SLC15A5: variants seen among roughly 807,000 people sequenced by gnomAD.
SLC15A5 encodes solute carrier family 15 member 5.
In SLC15A5, 58 loss-of-function variants were observed where a neutral mutation model predicts 56.1. The observed-to-expected ratio is 1.03, with a 90% confidence interval of 0.84 to 1.29. SLC15A5 has a LOEUF of 1.29. Ranked by LOEUF, SLC15A5 falls within the 50% of genes most tolerant of loss-of-function variation. The probability of loss-of-function intolerance (pLI) is 0.00; values close to 1 mark genes in which losing one functional copy is unlikely to be tolerated. For missense variants in SLC15A5, 681 were observed against 672.1 expected, an observed-to-expected ratio of 1.01 and a Z score of -0.15; for synonymous variants, 264 against 250.5, an observed-to-expected ratio of 1.05 and a Z score of -0.51.
At chr12:16,276,650 C>T (rs1462448842) in intron 1 of SLC15A5, among the ~76,000 whole-genome samples, 1 of 151,996 alleles carries the variant, frequency 6.6e-6, no homozygotes, top group Admixed American at 6.6e-5. Context: ...TTGAACTTTT[C>T]AGTTTAAAAT....
rs1285517611 is a variant in SLC15A5 at position 16,243,604 on chromosome 12, T to A, written c.975+976A>T. ...GTAAAAATCTTCTTAGCTTACAGGA[T>A]GTACAAAAATAGTGGACTGGATTTG... On this transcript the variant is annotated intron_variant, in intron 4 of 8. Coordinates refer to ENST00000344941, the MANE Select transcript of SLC15A5 (RefSeq NM_001170798.1). The surrounding 1 kb of genome is among the most constrained non-coding windows in gnomAD (Gnocchi z 4.4). Among the ~76,000 whole-genome samples the A allele has an allele frequency of 6.6e-6, 1 of 152,170 alleles. No individual in the cohort carries two copies. The highest frequency in any genetic ancestry group is 2.4e-5 in the African/African-American group (1 of 41,434).
chr12:16,223,263 G>A (rs1864206071), intron 6 of SLC15A5, among the ~76,000 whole-genome samples: 1 of 152,144 alleles, frequency 6.6e-6, no homozygotes, highest in South Asian at 2.1e-4. Context: ...TAAAATCCAT[G>A]TGCCAGTTGA....
chr12:16,211,206 G>A (rs1178257402), intron 7 of SLC15A5, among the ~76,000 whole-genome samples: 1 of 152,238 alleles, frequency 6.6e-6, no homozygotes, highest in Admixed American at 6.5e-5. Context: ...ATGAGCCCAT[G>A]AAATGCAGTT....
At chr12:16,219,263 C>T (rs1433543296) in intron 6 of SLC15A5, among the ~76,000 whole-genome samples, 2 of 152,096 alleles carry the variant, frequency 1.3e-5, no homozygotes, top group African/African-American at 2.4e-5. Flanking sequence ...ATTGGTGGCA[C>T]GGTAGCACAG....
At chr12:16,263,302 T>G (rs571558738) in intron 2 of SLC15A5, among the ~76,000 whole-genome samples, 1 of 152,300 alleles carries the variant, frequency 6.6e-6, no homozygotes, top group African/African-American at 2.4e-5. Flanking sequence ...TGGCACCATT[T>G]TGCCCCTGCC....
chr12:16,240,178 ATAACT>A (rs1366981756), intron 4 of SLC15A5, among the ~76,000 whole-genome samples: 3 of 152,250 alleles, frequency 2.0e-5, no homozygotes, highest in African/African-American at 7.2e-5. Flanking sequence ...AAAAAGCCAA[ATAACT>A]TAAATTCTGT....
At chr12:16,245,426 A>G (rs753185324) in intron 3 of SLC15A5, among the ~76,000 whole-genome samples, 2 of 152,338 alleles carry the variant, frequency 1.3e-5, no homozygotes, top group Middle Eastern at 6.8e-3. Context: ...CTAGGTTTAC[A>G]TGGCTGTTGC....
At chr12:16,253,855 T>A (rs1864543065) in intron 3 of SLC15A5, among the ~76,000 whole-genome samples, 1 of 152,106 alleles carries the variant, frequency 6.6e-6, no homozygotes, top group Admixed American at 6.5e-5. Flanking sequence ...GTGCAGCCAT[T>A]GTGGAAAGCA....
chr12:16,232,049 A>G (rs567745195), intron 5 of SLC15A5, among the ~76,000 whole-genome samples: 3 of 152,244 alleles, frequency 2.0e-5, no homozygotes, highest in Non-Finnish European at 2.9e-5. Flanking sequence ...TTATTTTACA[A>G]TCTATAAGAA....
chr12:16,205,423 C>T (rs895602871), intron 7 of SLC15A5, among the ~76,000 whole-genome samples: 5 of 150,682 alleles, frequency 3.3e-5, no homozygotes, highest in Admixed American at 2.7e-4. Context: ...TAGTCTAAGG[C>T]GGGAATAAGT....
At chr12:16,239,988 A>G in intron 4 of SLC15A5, 121 bp from the exon 5 acceptor site, 1 of 866,964 alleles carries the variant, frequency 1.2e-6, no homozygotes, top group Non-Finnish European at 1.7e-6. Context: ...GATGTTGCCT[A>G]GTTTTTCAAG....
intron 7 of SLC15A5, among the ~76,000 whole-genome samples, chr12:16,213,879 T>A (rs1864106343): frequency 6.6e-6 from 1 of 152,202 alleles, no homozygotes; most frequent in African/African-American, 2.4e-5. Flanking sequence ...CTTTTGTTTC[T>A]CTACCTTTGT....
intron 3 of SLC15A5, among the ~76,000 whole-genome samples, chr12:16,256,560 A>T (rs1227147832): frequency 3.3e-5 from 5 of 152,200 alleles, no homozygotes; most frequent in Non-Finnish European, 5.9e-5. Flanking sequence ...ATTTCTTTTT[A>T]AAAAATAATA....
rs1024806305 is a variant in SLC15A5 at position 16,264,416 on chromosome 12, A to G, written c.585-6546T>C. Among the ~76,000 whole-genome samples, 202 of 152,312 alleles carry G rather than the reference A, an allele frequency of 1.3e-3. 3 individuals carry two copies. The highest frequency in any genetic ancestry group is 4.5e-3 in the African/African-American group (185 of 41,570). On this transcript the variant is annotated intron_variant, in intron 2 of 8. Coordinates refer to ENST00000344941, the MANE Select transcript of SLC15A5 (RefSeq NM_001170798.1). ...CTAGGAAGTAACTAAATTGTTTTCA[A>G]TTTTACAGGCTCATAGATGGAAGGG...
At chr12:16,236,272 A>G (rs1864351252) in intron 5 of SLC15A5, among the ~76,000 whole-genome samples, 1 of 152,230 alleles carries the variant, frequency 6.6e-6, no homozygotes, top group African/African-American at 2.4e-5. Context: ...CCCAATTATG[A>G]TAGAAGATAA....
rs1864436842 is a variant in SLC15A5, at chr12:16,243,901, T to C, written c.975+679A>G. Among the ~76,000 whole-genome samples, 1 of 152,244 alleles carries C rather than the reference T, an allele frequency of 6.6e-6. No homozygotes were observed. The highest frequency in any genetic ancestry group is 2.4e-5 in the African/African-American group (1 of 41,464). On this transcript the variant is annotated intron_variant, in intron 4 of 8. Transcript: ENST00000344941. The surrounding 1 kb of genome is among the most constrained non-coding windows in gnomAD (Gnocchi z 4.4). ...ATTCATGAGTCTTCTAAATTCCAAG[T>C]TGGGAGTTAGCAATGAACAAAGTCC...
intron 2 of SLC15A5, among the ~76,000 whole-genome samples, chr12:16,261,542 A>G (rs1798682): frequency 0.45 from 68,025 of 152,078 alleles, 15,419 homozygotes; most frequent in South Asian, 0.62. Context: ...GAACATTCAT[A>G]TACAAGCCTT....
At chr12:16,272,912 G>C (rs1483232451) in intron 1 of SLC15A5, 129 bp from the exon 2 acceptor site, 1 of 821,046 alleles carries the variant, frequency 1.2e-6, no homozygotes, top group African/African-American at 1.7e-5. Context: ...ATTTATGGTA[G>C]TCATTGCAAT....
At chr12:16,195,676 A>G (rs1050446137) in intron 7 of SLC15A5, among the ~76,000 whole-genome samples, 2 of 152,106 alleles carry the variant, frequency 1.3e-5, no homozygotes, top group Non-Finnish European at 2.9e-5. Context: ...CTTCAGTACC[A>G]TCTTTGGCAC....
Sources: allele counts gnomAD v4.1 joint callset (sites outside exome capture counted in the v4.1 genomes callset), GRCh38; gene constraint gnomAD v4.1.1; non-coding constraint Gnocchi (gnomAD v3.1); transcripts MANE v1.5; gene names NCBI Gene and HGNC (gene_info 2026-07-23, HGNC 2026-07-21).